Variants in CNOT1 observed in about 807,000 individuals in gnomAD.
The protein encoded by CNOT1 is CCR4-associated factor 1.
CNOT1 carries 15 observed loss-of-function variants against 273.8 expected under a neutral mutation model. The ratio of observed to expected loss-of-function variants is 0.05; its 90% confidence interval spans 0.04 to 0.08. The LOEUF (loss-of-function observed/expected upper bound fraction) is 0.08, where lower values mean the gene tolerates loss of function less well. CNOT1 is among the 10% of genes least tolerant of loss of function. The pLI is 1.00. For missense variants in CNOT1, 1,644 were observed against 2,912.2 expected, an observed-to-expected ratio of 0.56 and a Z score of 10.02; for synonymous variants, 1,022 against 1,005.5, an observed-to-expected ratio of 1.02 and a Z score of -0.31.
intron 16 of CNOT1, among the ~76,000 whole-genome samples, chr16:58,565,013 G>A (rs572229431): frequency 1.3e-5 from 2 of 152,222 alleles, no homozygotes; most frequent in South Asian, 2.1e-4. Flanking sequence ...TGCTTCTCAC[G>A]CCAATGGTAT....
At chr16:58,595,891 G>A (rs1025370875) in intron 2 of CNOT1, among the ~76,000 whole-genome samples, 1 of 152,218 alleles carries the variant, frequency 6.6e-6, no homozygotes, top group Non-Finnish European at 1.5e-5. Flanking sequence ...GAGGTGGAAA[G>A]ATACTTTTGA....
At chr16:58,526,511 TAAAAAAAA>T (rs57367601) in intron 44 of CNOT1, among the ~76,000 whole-genome samples, 3 of 80,814 alleles carry the variant, frequency 3.7e-5, no homozygotes, top group East Asian at 3.6e-4. Context: ...ACTTACTCCT[TAAAAAAAA>T]AAAAAAAAAA....
At chr16:58,602,313 C>T (rs1412462714) in intron 1 of CNOT1, among the ~76,000 whole-genome samples, 1 of 152,008 alleles carries the variant, frequency 6.6e-6, no homozygotes, top group African/African-American at 2.4e-5. Flanking sequence ...TCAGGTGATC[C>T]ACCCACCTCA....
At position 58,581,582 on chromosome 16, in the gene CNOT1, G is replaced by A. The variant is rs957248407; in HGVS notation, c.1045-67C>T. On this transcript the variant is annotated intron_variant, in intron 10 of 48. Transcript: ENST00000317147. ...TATATTTTGATACATTATCCAAAAGGCCAAATTAAATCTGAAATTCAATTT... is the reference window on the plus strand; with the variant it reads ...TATATTTTGATACATTATCCAAAAGACCAAATTAAATCTGAAATTCAATTT... The A allele has an allele frequency of 9.6e-6, 14 of 1,453,150 alleles. No homozygotes were observed. In the African/African-American group the frequency reaches 1.6e-4, roughly 16 times the overall value. 90.0% of individuals were successfully genotyped at this position (1,453,150 alleles called of 1,614,324 possible). A position where few individuals can be genotyped will look rare whatever the true frequency, so the allele number is the denominator to read the frequency against.
chr16:58,540,649 G>A (rs2040065157), intron 34 of CNOT1, among the ~76,000 whole-genome samples: 1 of 152,160 alleles, frequency 6.6e-6, no homozygotes, highest in South Asian at 2.1e-4. Flanking sequence ...ACTCGAGTGA[G>A]GTCTATGAAT....
At chr16:58,559,186 G>A (rs925366533) in intron 17 of CNOT1, among the ~76,000 whole-genome samples, 4 of 152,012 alleles carry the variant, frequency 2.6e-5, no homozygotes, top group Non-Finnish European at 5.9e-5. Flanking sequence ...TACTTGTGGC[G>A]TGTCATGTCA....
chr16:58,585,579 C>A, intron 7 of CNOT1, 73 bp from the exon 8 acceptor site: 1 of 1,521,880 alleles, frequency 6.6e-7, no homozygotes, highest in South Asian at 1.3e-5. Flanking sequence ...TATCCAAAAT[C>A]CCCTCAAACC....
chr16:58,537,959 T>G lies in CNOT1; in HGVS notation c.5346A>C (p.Ala1782=). 3 of 1,614,200 alleles carry G rather than the reference T, an allele frequency of 1.9e-6. No individual in the cohort carries two copies. Among genetic ancestry groups the G allele is most frequent in the Non-Finnish European group, 2.5e-6 (3 of 1,180,034 alleles). Residue 1782 remains alanine (A), a synonymous_variant, in exon 38 of 49, where the codon GCA becomes GCC. Transcript: ENST00000317147. ...DERSVAHVTE[A]DLFHTIETLM... Reference sequence around the variant, plus strand: ...GGGTTTCAATGGTGTGGAACAGATCTGCCTCAGTAACATGAGCAACACTCC... The same window carrying G: ...GGGTTTCAATGGTGTGGAACAGATCGGCCTCAGTAACATGAGCAACACTCC...
intron 1 of CNOT1, among the ~76,000 whole-genome samples, chr16:58,601,023 C>T (rs1450451071): frequency 6.6e-6 from 1 of 152,206 alleles, no homozygotes; most frequent in Non-Finnish European, 1.5e-5. Context: ...GGCACGGTCT[C>T]AGCTCACTGC....
At chr16:58,545,515 G>A in intron 29 of CNOT1, 24 bp from the exon 30 acceptor site, 1 of 1,612,040 alleles carries the variant, frequency 6.2e-7, no homozygotes, top group Non-Finnish European at 8.5e-7. Context: ...AATAAAAAGA[G>A]ATTTAAAAAG....
chr16:58,594,211 T>G (rs575652318), intron 2 of CNOT1, among the ~76,000 whole-genome samples: 3 of 151,990 alleles, frequency 2.0e-5, no homozygotes, highest in African/African-American at 7.2e-5. Flanking sequence ...GCCACTGTAC[T>G]CCAGCCTGGG....
chr16:58,554,193 A>C (rs1230355729), intron 21 of CNOT1, among the ~76,000 whole-genome samples: 2 of 150,926 alleles, frequency 1.3e-5, no homozygotes, highest in African/African-American at 2.5e-5. Flanking sequence ...ATATAGTAGA[A>C]TACTACACAG....
intron 35 of CNOT1, 98 bp downstream of exon 35, chr16:58,539,670 A>G (rs2040028748): frequency 8.1e-7 from 1 of 1,229,234 alleles, no homozygotes; most frequent in Non-Finnish European, 1.1e-6. Context: ...TATATTATGA[A>G]ATCTTAAGCA....
intron 29 of CNOT1, 48 bp downstream of exon 29, chr16:58,546,273 T>C (rs559090721): frequency 1.4e-5 from 21 of 1,482,436 alleles, no homozygotes; most frequent in Middle Eastern, 3.5e-4. Context: ...CCATTTAAGA[T>C]AGTATCCTAG....
chr16:58,538,025 T>C lies in CNOT1; in HGVS notation c.5280A>G (p.Ala1760=). 1 of 1,614,166 alleles carries C rather than the reference T, an allele frequency of 6.2e-7. No homozygotes were observed. Among genetic ancestry groups the C allele is most frequent in the East Asian group, 2.2e-5 (1 of 44,880 alleles). ...MENGLNYMAV[A]FAMQLVKILL... ...GGATTTTTACTAACTGCATAGCAAA[T>C]GCCACAGCCATGTAGTTTAAGCCAT... Residue 1760 remains alanine (A), a synonymous_variant, in exon 38 of 49, where the codon GCA becomes GCG. Coordinates refer to ENST00000317147, the MANE Select transcript of CNOT1 (RefSeq NM_016284.5).
At chr16:58,620,236 C>G (rs2043258266) in intron 1 of CNOT1, among the ~76,000 whole-genome samples, 1 of 151,934 alleles carries the variant, frequency 6.6e-6, no homozygotes, top group Non-Finnish European at 1.5e-5. Context: ...TGAAACTGGC[C>G]AAGGATGGCA....
In CNOT1 at chr16:58,580,699, C is replaced by A; in HGVS notation, c.1277G>T (p.Cys426Phe). 6.2e-7 allele frequency: 1 copy of A among 1,613,244 alleles called. No individual in the cohort carries two copies. Among genetic ancestry groups the A allele is most frequent in the African/African-American group, 1.3e-5 (1 of 74,954 alleles). Residue 426 changes from cysteine (C) to phenylalanine (F), a missense_variant, in exon 12 of 49, where the codon TGT becomes TTT. Coordinates refer to ENST00000317147, the MANE Select transcript of CNOT1 (RefSeq NM_016284.5). ...PEIFCFADYP[C>F]HTVATDILKA... is the part of the protein sequence containing the mutation. ...CAGAATATCAGTGGCAACAGTATGA[C>A]AGGGATAGTCAGCAAAACAGAAGAT...
rs776077463 is a variant in CNOT1, at chr16:58,555,210, G to C, written c.2891+41C>G. 1.0e-5 allele frequency: 16 copies of C among 1,602,140 alleles called. No homozygotes were observed. The South Asian group carries it at 1.8e-4, about 18-fold the overall frequency. Reference sequence around the variant, plus strand: ...ATGAGAGTTAAGACCCTGTCTGCGGGGTCAGGGAAGAGATCCTTCACAGGA... The same window carrying C: ...ATGAGAGTTAAGACCCTGTCTGCGGCGTCAGGGAAGAGATCCTTCACAGGA... On this transcript the variant is annotated intron_variant, in intron 21 of 48. Coordinates refer to ENST00000317147, the MANE Select transcript of CNOT1 (RefSeq NM_016284.5).
rs534511194 is a variant in CNOT1 at position 58,564,485 on chromosome 16, C to T, written c.1980-4123G>A. 7.0e-4 allele frequency among the ~76,000 whole-genome samples: 106 copies of T among 152,058 alleles called. 2 individuals are homozygous for T. In the South Asian group the frequency reaches 0.01, roughly 15 times the overall value. ...GTAAGCCACACTAATATTTTATGTC[C>T]TATGCAAAAACAAAAAAAGTAATTC... On this transcript the variant is annotated intron_variant, in intron 16 of 48. Transcript: ENST00000317147.
Sources: allele counts gnomAD v4.1 joint callset (sites outside exome capture counted in the v4.1 genomes callset), GRCh38; gene constraint gnomAD v4.1.1; transcripts MANE v1.5; gene names NCBI Gene and HGNC (gene_info 2026-07-23, HGNC 2026-07-21).